The following VPS13B variants were observed in gnomAD, a reference collection of about 807,000 sequenced individuals.
VPS13B encodes vacuolar protein sorting 13 homolog B.
VPS13B carries 285 observed loss-of-function variants against 426.4 expected under a neutral mutation model. The ratio of observed to expected loss-of-function variants is 0.67; its 90% confidence interval spans 0.61 to 0.74. The LOEUF (loss-of-function observed/expected upper bound fraction) is 0.74. Ranked by LOEUF, VPS13B falls within the 30% of genes least tolerant of loss-of-function variation. The pLI is 0.00. For missense variants in VPS13B, 4,537 were observed against 4,782.6 expected (o/e 0.95, Z 1.51); for synonymous variants, 1,676 against 1,676.4 (o/e 1.00, Z 0.01).
chr8:99,603,011 C>T (rs534584840), intron 33 of VPS13B, among the ~76,000 whole-genome samples: 25 of 152,226 alleles, frequency 1.6e-4, no homozygotes, highest in African/African-American at 5.5e-4. Flanking sequence ...ACTTTCTTCA[C>T]AGAATTACTG....
intron 23 of VPS13B, among the ~76,000 whole-genome samples, chr8:99,461,338 A>C (rs1050157153): frequency 6.6e-6 from 1 of 152,180 alleles, no homozygotes; most frequent in African/African-American, 2.4e-5. Context: ...AATAGCACAA[A>C]TGTATGATTA....
Position 99,736,940 on chromosome 8 carries a change from C to G in VPS13B, c.7050+15893C>G, listed in dbSNP as rs557572115. Among the ~76,000 whole-genome samples, 31 of 151,806 alleles carry G rather than the reference C, an allele frequency of 2.0e-4. No homozygotes were observed. In the East Asian group the frequency reaches 5.1e-3, roughly 25 times the overall value. On this transcript the variant is annotated intron_variant, in intron 39 of 61. Transcript: ENST00000357162. Reference sequence around the variant, plus strand: ...AGCCCAGAGAGGTTAAATAATTTTCCCAAGGGCATTCCATTGGTAAATAGC... The same window carrying G: ...AGCCCAGAGAGGTTAAATAATTTTCGCAAGGGCATTCCATTGGTAAATAGC...
In VPS13B at chr8:99,717,274, T is replaced by G. The variant is rs779788114; in HGVS notation, c.6558T>G (p.Thr2186=). The change falls in exon 37 of 62, where the codon ACT becomes ACG. Residue 2186 remains threonine (T), a synonymous_variant. Transcript: ENST00000357162. The part of the protein sequence containing the change: ...SRILIGPCCA[T]ANLEAKWCKH... ...TTCTGATAGGACCATGTTGTGCTAC[T>G]GCCAATCTGGAAGCTAAGTGGTGTA... is the stretch of plus-strand genomic sequence containing the variant. 1.2e-6 allele frequency: 2 copies of G among 1,614,004 alleles called. No individual in the cohort carries two copies. The highest frequency in any genetic ancestry group is 1.7e-5 in the Admixed American group (1 of 59,986).
Position 99,802,168 on chromosome 8 carries a change from C to A in VPS13B, c.7942-7207C>A, listed in dbSNP as rs868499334. Among the ~76,000 whole-genome samples the A allele has an allele frequency of 8.2e-3, 1,213 of 147,492 alleles. 11 individuals are homozygous for A. Among genetic ancestry groups the A allele is most frequent in the South Asian group, 0.041 (191 of 4,658 alleles). ...CAGTCTCAAATAAAAAAAAAAAAAACAAGCTGTGGCCCTAGGGAAAAAAGC... is the reference window on the plus strand; with the variant it reads ...CAGTCTCAAATAAAAAAAAAAAAAAAAAGCTGTGGCCCTAGGGAAAAAAGC... On this transcript the variant is annotated intron_variant, in intron 43 of 61. Transcript: ENST00000357162.
At chr8:99,746,472 A>C (rs1810093194) in intron 39 of VPS13B, among the ~76,000 whole-genome samples, 1 of 152,176 alleles carries the variant, frequency 6.6e-6, no homozygotes, top group Non-Finnish European at 1.5e-5. Flanking sequence ...AAATTCCTCC[A>C]CTAGGAAGGA....
chr8:99,120,493 A>G (rs1210960339), intron 7 of VPS13B: 1 of 152,204 alleles, frequency 6.6e-6, no homozygotes, highest in Non-Finnish European at 1.5e-5. Context: ...TTGGAATCTA[A>G]ATCTTTGGTC....
At chr8:99,382,133 T>A (rs1813849586) in intron 19 of VPS13B, among the ~76,000 whole-genome samples, 1 of 152,128 alleles carries the variant, frequency 6.6e-6, no homozygotes, top group Non-Finnish European at 1.5e-5. Flanking sequence ...ATAAGATAGT[T>A]GTAGGTGTGT....
intron 54 of VPS13B, among the ~76,000 whole-genome samples, chr8:99,848,105 C>G (rs1476535056): frequency 6.6e-6 from 1 of 152,184 alleles, no homozygotes; most frequent in Admixed American, 6.5e-5. Context: ...CCCATTTAAG[C>G]AACTCACTAT....
rs538431939 is a variant in VPS13B, at chr8:99,069,549, C to CACAT, written c.292-26758_292-26755dup. 1.3e-4 allele frequency among the ~76,000 whole-genome samples: 20 copies of CACAT among 152,250 alleles called. No homozygotes were observed. The South Asian group carries it at 4.1e-3, about 32-fold the overall frequency. The stretch of plus-strand genomic sequence containing the variant: ...ATTAGGGTGTGTGTATATATATGTG[C>CACAT]ACATACATTTTCTAATAATTTGTGT... On this transcript the variant is annotated intron_variant, in intron 3 of 61. Transcript: ENST00000357162.
At chr8:99,323,008 T>G (rs1254952029) in intron 19 of VPS13B, among the ~76,000 whole-genome samples, 2 of 152,178 alleles carry the variant, frequency 1.3e-5, no homozygotes, top group Non-Finnish European at 2.9e-5. Context: ...CCAACATTGT[T>G]TAATAATTAT....
chr8:99,440,269 G>A (rs1817616389), intron 22 of VPS13B, among the ~76,000 whole-genome samples: 3 of 152,098 alleles, frequency 2.0e-5, no homozygotes, highest in Admixed American at 2.0e-4. Flanking sequence ...ATTTGTGTTT[G>A]GTGTGGCTCA....
Position 99,717,316 on chromosome 8 carries a change from A to T in VPS13B, c.6600A>T (p.Pro2200=). ...EAKWCKHSGN[P]GPEQSIPKIS... Reference sequence around the variant, plus strand: ...AGTGGTGTAAACACAGCGGGAATCCAGGCCCAGAACAATCCATACCAAAAA... The same window carrying T: ...AGTGGTGTAAACACAGCGGGAATCCTGGCCCAGAACAATCCATACCAAAAA... The change falls in exon 37 of 62, where the codon CCA becomes CCT. Residue 2200 remains proline, a synonymous_variant. Coordinates refer to ENST00000357162, the MANE Select transcript of VPS13B (RefSeq NM_152564.5). 6.2e-7 allele frequency: 1 copy of T among 1,614,090 alleles called. No homozygotes were observed. The highest frequency in any genetic ancestry group is 8.5e-7 in the Non-Finnish European group (1 of 1,179,968).
intron 19 of VPS13B, among the ~76,000 whole-genome samples, chr8:99,379,310 C>G (rs1588310565): frequency 6.6e-6 from 1 of 152,284 alleles, no homozygotes; most frequent in African/African-American, 2.4e-5. Flanking sequence ...TCTCTCTTTC[C>G]TGGTGTCCCA....
intron 19 of VPS13B, among the ~76,000 whole-genome samples, chr8:99,383,691 A>G (rs1364210339): frequency 6.6e-6 from 1 of 152,150 alleles, no homozygotes; most frequent in Non-Finnish European, 1.5e-5. Context: ...TCTTCTGGCA[A>G]TTTCATATAA....
chr8:99,267,983 C>T (rs769021382), intron 17 of VPS13B, among the ~76,000 whole-genome samples: 13 of 152,052 alleles, frequency 8.5e-5, no homozygotes, highest in Admixed American at 1.3e-4. Context: ...ACTCTGTCCC[C>T]GCCATTCTAG....
intron 19 of VPS13B, chr8:99,341,033 T>C (rs145212656): frequency 1.7e-4 from 47 of 270,226 alleles, no homozygotes; most frequent in African/African-American, 1.1e-3. Flanking sequence ...ACTGAGCTTA[T>C]TCCCATGGAT....
chr8:99,766,874 C>T lies in VPS13B; in HGVS notation c.7151C>T (p.Pro2384Leu), dbSNP rs183874686. 130 of 1,613,894 alleles carry T rather than the reference C, an allele frequency of 8.1e-5. No individual in the cohort carries two copies. The highest frequency in any genetic ancestry group is 9.9e-5 in the Non-Finnish European group (117 of 1,179,950). The change falls in exon 40 of 62, where the codon CCG (proline) becomes CTG (leucine). Residue 2384 changes from proline to leucine, a missense_variant. Pro to Leu is a moderately conservative substitution (Grantham distance 98). Coordinates refer to ENST00000357162, the MANE Select transcript of VPS13B (RefSeq NM_152564.5). The stretch of plus-strand genomic sequence containing the variant: ...AGCAAAGTTTGTGAACTGCAGTTGC[C>T]GGATATCAATCTCGTGAATGACCAG... Reference protein sequence around the residue: ...SESKVCELQLPDINLVNDQKK... With the variant: ...SESKVCELQLLDINLVNDQKK...
At chr8:99,387,052 C>T (rs950284079) in intron 20 of VPS13B, among the ~76,000 whole-genome samples, 6 of 152,134 alleles carry the variant, frequency 3.9e-5, no homozygotes, top group African/African-American at 1.2e-4. Flanking sequence ...GAGTATATGT[C>T]TCCATACCTA....
chr8:99,326,606 T>G (rs775056818), intron 19 of VPS13B, among the ~76,000 whole-genome samples: 45 of 151,490 alleles, frequency 3.0e-4, no homozygotes, highest in Admixed American at 1.6e-3. Context: ...GCCACGTTGC[T>G]CAAGCTGGTC....
Sources: gnomAD v4.1 joint callset for allele counts (sites outside exome capture counted in the v4.1 genomes callset) on GRCh38, gnomAD v4.1.1 for gene constraint, MANE v1.5 for transcripts, NCBI Gene and HGNC (gene_info 2026-07-23, HGNC 2026-07-21) for gene names.